Variants in DLC1 observed in about 807,000 individuals in gnomAD.
DLC1 encodes the protein DLC1 Rho GTPase activating protein, also known as rho GTPase-activating protein 7.
A neutral mutation model predicts 140.3 loss-of-function variants in DLC1; 54 were observed. The ratio of observed to expected loss-of-function variants is 0.38; its 90% CI spans 0.31 to 0.48. The LOEUF (loss-of-function observed/expected upper bound fraction) is 0.48, where lower values mean the gene tolerates loss of function less well. Among genes scored for constraint, DLC1 ranks in the 20% least tolerant of loss-of-function variants. The pLI, the probability that DLC1 is intolerant of heterozygous loss-of-function variation, is 0.96. For missense variants in DLC1, 2,536 were observed against 1,907.0 expected (o/e 1.33, Z -6.14); for synonymous variants, 986 against 728.1 (o/e 1.35, Z -5.70).
chr8:13,560,768 G>A (rs58480629), intron 1 of DLC1, among the ~76,000 whole-genome samples: 12 of 149,606 alleles, frequency 8.0e-5, no homozygotes, highest in African/African-American at 2.2e-4. Flanking sequence ...GTGTCCCTGT[G>A]GGGGGGGAGG....
chr8:13,516,502 A>G (rs973118505), upstream of DLC1, among the ~76,000 whole-genome samples: 1 of 152,156 alleles, frequency 6.6e-6, no homozygotes, highest in Non-Finnish European at 1.5e-5. Flanking sequence ...GGTAGCTAAA[A>G]TCTCTCAAAG....
At chr8:13,225,482 C>G (rs1288705631) in intron 5 of DLC1, among the ~76,000 whole-genome samples, 1 of 152,120 alleles carries the variant, frequency 6.6e-6, no homozygotes, top group Non-Finnish European at 1.5e-5. Context: ...GCATTAAGAA[C>G]TTTAAGTTAA....
chr8:13,520,606 G>C (rs1249593454), intron 1 of DLC1, among the ~76,000 whole-genome samples: 1 of 152,006 alleles, frequency 6.6e-6, no homozygotes, highest in Non-Finnish European at 1.5e-5. Flanking sequence ...ATGTAACCCA[G>C]AACTTAAAGT....
At chr8:13,418,576 C>G (rs1838176754) in intron 2 of DLC1, among the ~76,000 whole-genome samples, 1 of 152,104 alleles carries the variant, frequency 6.6e-6, no homozygotes, top group African/African-American at 2.4e-5. Flanking sequence ...TGATCTATAT[C>G]TCTATTTTGG....
chr8:13,416,155 T>C (rs919635560), intron 2 of DLC1, among the ~76,000 whole-genome samples: 1 of 152,186 alleles, frequency 6.6e-6, no homozygotes, highest in African/African-American at 2.4e-5. Flanking sequence ...ATGTTATTCT[T>C]CTCTGGACTT....
At chr8:13,466,737 G>C (rs942024023) in intron 2 of DLC1, among the ~76,000 whole-genome samples, 1 of 152,060 alleles carries the variant, frequency 6.6e-6, no homozygotes, top group African/African-American at 2.4e-5. Context: ...GATCTTCCTG[G>C]ATACCTTTAT....
chr8:13,123,571 TTCCTGA>T (rs1363237196), intron 5 of DLC1, among the ~76,000 whole-genome samples: 1 of 151,560 alleles, frequency 6.6e-6, no homozygotes, highest in Non-Finnish European at 1.5e-5. Context: ...TGGTTTCGAA[TTCCTGA>T]CCTCAAGTGA....
At chr8:13,382,505 CAAAAAAAAAAA>C (rs71207149) in intron 4 of DLC1, among the ~76,000 whole-genome samples, 2 of 35,508 alleles carry the variant, frequency 5.6e-5, no homozygotes, top group Non-Finnish European at 9.1e-5. Context: ...GACTCCGTCT[CAAAAAAAAAAA>C]AAAAAAAAAA....
intron 4 of DLC1, among the ~76,000 whole-genome samples, chr8:13,365,238 C>T (rs1835425214): frequency 6.6e-6 from 1 of 152,142 alleles, no homozygotes; most frequent in Non-Finnish European, 1.5e-5. Flanking sequence ...TTGAGTTAGA[C>T]TGATTATATC....
chr8:13,601,710 A>G (rs1050490937), intron 1 of DLC1, among the ~76,000 whole-genome samples: 4 of 151,662 alleles, frequency 2.6e-5, no homozygotes, highest in African/African-American at 9.7e-5. Context: ...GGGGTTGGGG[A>G]ACAACTGGAG....
intron 5 of DLC1, among the ~76,000 whole-genome samples, chr8:13,165,565 A>G (rs577241796): frequency 1.5e-4 from 23 of 152,344 alleles, no homozygotes; most frequent in African/African-American, 5.3e-4. Flanking sequence ...GAAGGCAGAC[A>G]CTTGGCCAGG....
intron 5 of DLC1, among the ~76,000 whole-genome samples, chr8:13,241,968 GGCAGATGAA>G (rs1376810233): frequency 1.3e-5 from 2 of 152,196 alleles, no homozygotes; most frequent in East Asian, 3.9e-4. Context: ...TCTTGGGGGT[GGCAGATGAA>G]GCCATTAAAG....
At chr8:13,472,554 T>G (rs1257694954) in intron 2 of DLC1, among the ~76,000 whole-genome samples, 1 of 152,184 alleles carries the variant, frequency 6.6e-6, no homozygotes, top group Non-Finnish European at 1.5e-5. Flanking sequence ...CCAGAAATCT[T>G]TAGTAGTAGT....
intron 2 of DLC1, among the ~76,000 whole-genome samples, chr8:13,405,320 A>G (rs1431537237): frequency 2.0e-5 from 3 of 151,600 alleles, no homozygotes; most frequent in Non-Finnish European, 4.4e-5. Flanking sequence ...TGTGGTCCTC[A>G]GTGACTATTG....
intron 4 of DLC1, among the ~76,000 whole-genome samples, chr8:13,333,423 T>C (rs1467749748): frequency 6.6e-6 from 1 of 152,106 alleles, no homozygotes; most frequent in Non-Finnish European, 1.5e-5. Context: ...TTTTGTTTTT[T>C]TTGTTTTAGT....
At chr8:13,142,050 C>A (rs1173505547) in intron 5 of DLC1, among the ~76,000 whole-genome samples, 1 of 152,132 alleles carries the variant, frequency 6.6e-6, no homozygotes, top group African/African-American at 2.4e-5. Flanking sequence ...CTCACGAGAT[C>A]TGATGGTTTT....
chr8:13,247,036 T>C (rs964921232), intron 5 of DLC1, among the ~76,000 whole-genome samples: 3 of 152,196 alleles, frequency 2.0e-5, no homozygotes, highest in Non-Finnish European at 4.4e-5. Flanking sequence ...AAGAATGCCA[T>C]CCTGTGCTCT....
Position 13,573,015 on chromosome 8 carries a change from A to G in DLC1, c.-126+31522T>C, listed in dbSNP as rs184582783. Among the ~76,000 whole-genome samples the G allele has an allele frequency of 4.6e-5, 7 of 152,256 alleles. No individual in the cohort carries two copies. In the East Asian group the frequency reaches 7.7e-4, roughly 17 times the overall value. ...TTTTTCTATTTCTGTAAAAAATGCC[A>G]TTGGACTTTTGATAGGGATTGCATT... On this transcript the variant is annotated intron_variant, in intron 1 of 1. Transcript: ENST00000631382.
intron 1 of DLC1, among the ~76,000 whole-genome samples, chr8:13,592,945 C>T (rs74761888): frequency 6.6e-6 from 1 of 152,240 alleles, no homozygotes; most frequent in East Asian, 1.9e-4. Context: ...GGGTCACACC[C>T]TTATGTCCCT....
Sources: allele counts gnomAD v4.1 joint callset (sites outside exome capture counted in the v4.1 genomes callset), GRCh38; gene constraint gnomAD v4.1.1; transcripts MANE v1.5; gene names NCBI Gene and HGNC (gene_info 2026-07-23, HGNC 2026-07-21).